XPO4: variants seen among roughly 807,000 people sequenced by gnomAD.
XPO4 encodes exportin 4, also known as exportin-4.
In XPO4, 39 loss-of-function variants were observed where a neutral mutation model predicts 143.0. The ratio of observed to expected loss-of-function variants is 0.27; its 90% CI spans 0.21 to 0.36. The LOEUF (loss-of-function observed/expected upper bound fraction) is 0.36. XPO4 is among the 10% of genes least tolerant of loss of function. The probability of loss-of-function intolerance (pLI) is 1.00; values close to 1 mark genes in which losing one functional copy is unlikely to be tolerated. For synonymous variants in XPO4, 439 were observed against 474.0 expected, an observed-to-expected ratio of 0.93 and a Z score of 0.96; for missense variants, 907 against 1,348.0, an observed-to-expected ratio of 0.67 and a Z score of 5.12.
At chr13:20,855,555 C>G (rs1378219700) in intron 4 of XPO4, 72 bp downstream of exon 4, 1 of 1,326,712 alleles carries the variant, frequency 7.5e-7, no homozygotes, top group Non-Finnish European at 9.7e-7. Context: ...ATCCATTACT[C>G]TTGCTATAAT....
At chr13:20,793,787 C>G (rs566228029) in intron 18 of XPO4, among the ~76,000 whole-genome samples, 4 of 152,200 alleles carry the variant, frequency 2.6e-5, no homozygotes, top group African/African-American at 9.7e-5. Flanking sequence ...CCAAAGAAGA[C>G]TCCCAGGTGA....
chr13:20,798,848 C>T (rs1452549879), intron 16 of XPO4, among the ~76,000 whole-genome samples: 2 of 151,682 alleles, frequency 1.3e-5, no homozygotes, highest in African/African-American at 2.4e-5. Flanking sequence ...GGCAAAAGCC[C>T]GTCTCTACTA....
At chr13:20,847,335 A>C (rs1219137675) in intron 4 of XPO4, among the ~76,000 whole-genome samples, 1 of 152,196 alleles carries the variant, frequency 6.6e-6, no homozygotes, top group Non-Finnish European at 1.5e-5. Flanking sequence ...TTATGGATTA[A>C]ATCCCCTTAA....
intron 1 of XPO4, among the ~76,000 whole-genome samples, chr13:20,889,784 CT>C (rs1271436479): frequency 7.9e-5 from 12 of 152,100 alleles, no homozygotes; most frequent in Non-Finnish European, 1.6e-4. Context: ...CTTTCATCTT[CT>C]TTGATTTGTG....
rs200561283 is a variant in XPO4, at chr13:20,821,826, G to A, written c.1051C>T (p.Leu351=). 9.0e-5 allele frequency: 146 copies of A among 1,613,882 alleles called. No homozygotes were observed. Among genetic ancestry groups the A allele is most frequent in the Non-Finnish European group, 1.6e-5 (19 of 1,179,952 alleles). The part of the protein sequence containing the change: ...AVGISSIISN[L]ITVFPRNVLT... ...ACATTTCGTGGGAACACGGTTATCAGGTTGCTGATAATGCTGGAGATCCCC... is the reference window on the plus strand; with the variant it reads ...ACATTTCGTGGGAACACGGTTATCAAGTTGCTGATAATGCTGGAGATCCCC... The change falls in exon 9 of 23, where the codon CTG becomes TTG. Residue 351 remains leucine, a synonymous_variant. Coordinates refer to ENST00000255305, the MANE Select transcript of XPO4 (RefSeq NM_022459.5).
chr13:20,807,903 C>A (rs907700831), intron 12 of XPO4, among the ~76,000 whole-genome samples: 1 of 152,034 alleles, frequency 6.6e-6, no homozygotes, highest in African/African-American at 2.4e-5. Context: ...ATTTTCAGTA[C>A]TGTATTCTGT....
At chr13:20,795,980 A>G in intron 18 of XPO4, 96 bp downstream of exon 18, 1 of 1,286,806 alleles carries the variant, frequency 7.8e-7, no homozygotes, top group East Asian at 2.3e-5. Flanking sequence ...CATAAATTGA[A>G]TTTCCTCATG....
intron 9 of XPO4, among the ~76,000 whole-genome samples, chr13:20,818,147 A>G (rs1395522783): frequency 1.3e-5 from 2 of 152,210 alleles, no homozygotes; most frequent in Non-Finnish European, 2.9e-5. Context: ...TCTTCAGTTC[A>G]GCAATAGATA....
chr13:20,831,760 C>G lies in XPO4; in HGVS notation c.728-4581G>C, dbSNP rs111779231. ...ATCTAATCTTACTTTACCTTCCCAT[C>G]CATGTTCTCACCAAATTAAAGAATC... On this transcript the variant is annotated intron_variant, in intron 6 of 22. Transcript: ENST00000255305. Among the ~76,000 whole-genome samples the G allele has an allele frequency of 3.0e-3, 455 of 151,414 alleles. 6 individuals carry two copies. Among genetic ancestry groups the G allele is most frequent in the Admixed American group, 7.2e-3 (110 of 15,190 alleles).
Position 20,822,275 on chromosome 13 carries a change from G to C in XPO4, c.855C>G (p.Ile285Met), listed in dbSNP as rs749138831. 1.9e-6 allele frequency: 3 copies of C among 1,611,788 alleles called. No homozygotes were observed. The highest frequency in any genetic ancestry group is 2.5e-6 in the Non-Finnish European group (3 of 1,179,140). ...CTTGTGCCATATCTGAATCTTCTCT[G>C]ATTTTTCGATGTACCTGTTAGAAAG... ...MELFFTVHRK[I>M]REDSDMAQDS... The change falls in exon 8 of 23, where the codon ATC becomes ATG. Residue 285 changes from isoleucine to methionine, a missense_variant. By Grantham distance (10) the Ile-to-Met change is conservative. Transcript: ENST00000255305.
At chr13:20,854,625 T>G (rs1001242854) in intron 4 of XPO4, among the ~76,000 whole-genome samples, 1 of 152,192 alleles carries the variant, frequency 6.6e-6, no homozygotes, top group African/African-American at 2.4e-5. Context: ...ATTACCAATC[T>G]CAATTCTATA....
At chr13:20,881,649 CTTACTATG>C (rs2060411204) in intron 1 of XPO4, among the ~76,000 whole-genome samples, 1 of 152,044 alleles carries the variant, frequency 6.6e-6, no homozygotes, top group African/African-American at 2.4e-5. Context: ...TATCAATAGA[CTTACTATG>C]TTTGGTTTGG....
At chr13:20,809,364 G>T in intron 10 of XPO4, 139 bp from the exon 11 acceptor site, 1 of 1,044,350 alleles carries the variant, frequency 9.6e-7, no homozygotes, top group Non-Finnish European at 1.4e-6. Context: ...TTTGAGCACA[G>T]CTATCTAGGA....
At position 20,862,911 on chromosome 13, in the gene XPO4, C is replaced by T. The variant is rs187834826; in HGVS notation, c.176-53G>A. The stretch of plus-strand genomic sequence containing the variant: ...AAACAATAATTCATTTTACCTTGCA[C>T]ATTTTGCATTTATTAATTTTAAAAC... On this transcript the variant is annotated intron_variant, in intron 2 of 22. Transcript: ENST00000255305. The T allele has an allele frequency of 2.2e-4, 350 of 1,596,264 alleles. No homozygotes were observed. The African/African-American group carries it at 4.1e-3, about 19-fold the overall frequency.
intron 9 of XPO4, among the ~76,000 whole-genome samples, chr13:20,810,305 A>G (rs2059563953): frequency 6.6e-6 from 1 of 152,230 alleles, no homozygotes; most frequent in Non-Finnish European, 1.5e-5. Context: ...TTTTAGAGAA[A>G]CTGAAGGATG....
chr13:20,874,670 T>C (rs2060334580), intron 1 of XPO4, among the ~76,000 whole-genome samples: 1 of 152,206 alleles, frequency 6.6e-6, no homozygotes, highest in African/African-American at 2.4e-5. Context: ...GCTCTTGGAC[T>C]TCCCAGCTCC....
intron 1 of XPO4, among the ~76,000 whole-genome samples, chr13:20,885,030 C>T (rs189945690): frequency 1.3e-5 from 2 of 152,252 alleles, no homozygotes; most frequent in African/African-American, 4.8e-5. Context: ...ATGGTGCAAT[C>T]TCGGCTCACT....
chr13:20,820,433 C>T (rs1233545829), intron 9 of XPO4, among the ~76,000 whole-genome samples: 1 of 152,182 alleles, frequency 6.6e-6, no homozygotes, highest in East Asian at 1.9e-4. Context: ...GATCAACATG[C>T]TCTTTAATCC....
intron 16 of XPO4, 38 bp from the exon 17 acceptor site, chr13:20,797,095 T>C: frequency 6.6e-7 from 1 of 1,518,354 alleles, no homozygotes; most frequent in East Asian, 2.3e-5. Context: ...AAAGCTCAGT[T>C]CTCATGCTTT....
Sources: gnomAD v4.1 joint callset for allele counts (sites outside exome capture counted in the v4.1 genomes callset) on GRCh38, gnomAD v4.1.1 for gene constraint, MANE v1.5 for transcripts, NCBI Gene and HGNC (gene_info 2026-07-23, HGNC 2026-07-21) for gene names.